Variants in G3BP1 observed in about 807,000 individuals in gnomAD.
G3BP1 encodes the protein G3BP stress granule assembly factor 1, also known as ras GTPase-activating protein-binding protein 1.
G3BP1 carries 35 observed loss-of-function variants against 58.6 expected under a neutral mutation model. The observed-to-expected ratio is 0.60, with a 90% CI of 0.46 to 0.79. The LOEUF (loss-of-function observed/expected upper bound fraction) is 0.79, where lower values mean the gene tolerates loss of function less well. G3BP1 is among the 30% of genes least tolerant of loss of function. The probability of loss-of-function intolerance (pLI) is 0.00; values close to 1 mark genes in which losing one functional copy is unlikely to be tolerated. For synonymous variants in G3BP1, 191 were observed against 195.4 expected (o/e 0.98, Z 0.19); for missense variants, 523 against 580.8 (o/e 0.90, Z 1.02).
Position 151,804,172 on chromosome 5 carries a change from A to G in G3BP1, c.*81A>G. Reference sequence around the variant, plus strand: ...TTTTCGACAGCCTTTGGTATCTTGGAGTATGACCCCAGTCTGTTATAAACT... The same window carrying G: ...TTTTCGACAGCCTTTGGTATCTTGGGGTATGACCCCAGTCTGTTATAAACT... On this transcript the variant is annotated 3_prime_UTR_variant, in exon 12 of 12. Transcript: ENST00000356245. 1.0e-6 allele frequency: 1 copy of G among 1,000,554 alleles called. No individual in the cohort carries two copies. Among genetic ancestry groups the G allele is most frequent in the Non-Finnish European group, 1.5e-6 (1 of 662,282 alleles). The allele number at this position is 1,000,554 out of a possible 1,614,324, so 62.0% of individuals were successfully genotyped here. A position where few individuals can be genotyped will look rare whatever the true frequency, so the allele number is the denominator to read the frequency against.
At chr5:151,796,417 C>T (rs10477001) in intron 6 of G3BP1, among the ~76,000 whole-genome samples, 271 of 152,232 alleles carry the variant, frequency 1.8e-3, no homozygotes, top group African/African-American at 6.3e-3. Flanking sequence ...TACAGGCGCA[C>T]GCCACCATGC....
chr5:151,791,197 T>C, intron 4 of G3BP1, 135 bp downstream of exon 4: 2 of 718,534 alleles, frequency 2.8e-6, no homozygotes, highest in South Asian at 1.6e-5. Context: ...CTAACTCCTA[T>C]ATACTCCTTA....
At chr5:151,793,875 A>ATGGGGGC (rs1762702726) in intron 4 of G3BP1, among the ~76,000 whole-genome samples, 1 of 151,078 alleles carries the variant, frequency 6.6e-6, no homozygotes, top group Non-Finnish European at 1.5e-5. Context: ...TTAGCCTTGC[A>ATGGGGGC]TGGTGGCGCG....
At chr5:151,779,939 G>A (rs1278541123) in intron 1 of G3BP1, among the ~76,000 whole-genome samples, 3 of 152,110 alleles carry the variant, frequency 2.0e-5, no homozygotes, top group African/African-American at 7.2e-5. Context: ...GTTTTGTCTT[G>A]GGTGAGTTTC....
chr5:151,772,262 G>C (rs1319367318), intron 1 of G3BP1: 6 of 150,842 alleles, frequency 4.0e-5, no homozygotes, highest in Non-Finnish European at 8.9e-5. Flanking sequence ...TGTCCGCCGC[G>C]TGCGCGTGCT....
In G3BP1 at chr5:151,794,162, T is replaced by A; in HGVS notation, c.355T>A (p.Ser119Thr). ...AAACTTTCTGTTGGCATTGCAGGGG[T>A]CTGTTGCAAATAAATTCTATGTTCA... ...MQTFVLAPEG[S>T]VANKFYVHND... Residue 119 changes from serine to threonine, a missense_variant, in exon 5 of 12, where the codon TCT (serine) becomes ACT (threonine). By Grantham distance (58) the Ser-to-Thr change is moderately conservative (BLOSUM62 1). This residue lies in a region of G3BP1 where 398 missense variants were observed against 399.1 expected (regional missense o/e 1.00). Coordinates refer to ENST00000356245, the MANE Select transcript of G3BP1 (RefSeq NM_005754.3). 6.3e-7 allele frequency: 1 copy of A among 1,591,508 alleles called. No homozygotes were observed. Among genetic ancestry groups the A allele is most frequent in the Non-Finnish European group, 8.6e-7 (1 of 1,160,052 alleles).
rs1032123576 is a variant in G3BP1 at position 151,808,680 on chromosome 5, G to C, written c.*4589G>C. Reference sequence around the variant, plus strand: ...TGTGGCCAGTGTCCCAGATTTGTAAGGTACAGTGTGCATACAGTGTGTCTT... The same window carrying C: ...TGTGGCCAGTGTCCCAGATTTGTAACGTACAGTGTGCATACAGTGTGTCTT... On this transcript the variant is annotated 3_prime_UTR_variant, in exon 12 of 12. Coordinates refer to ENST00000356245, the MANE Select transcript of G3BP1 (RefSeq NM_005754.3). 2 of 152,140 alleles carry C rather than the reference G, an allele frequency of 1.3e-5. No homozygotes were observed. The highest frequency in any genetic ancestry group is 2.9e-5 in the Non-Finnish European group (2 of 68,014). 9.4% of individuals were successfully genotyped at this position (152,140 alleles called of 1,614,324 possible).
intron 11 of G3BP1, among the ~76,000 whole-genome samples, chr5:151,803,433 T>C (rs542085610): frequency 2.8e-4 from 43 of 152,182 alleles, no homozygotes; most frequent in Admixed American, 2.8e-3. Flanking sequence ...TGAAACTCTG[T>C]CTCATTAAAA....
chr5:151,803,878 C>T lies in G3BP1; in HGVS notation c.1195-7C>T, dbSNP rs118002405. 267 of 1,602,422 alleles carry T rather than the reference C, an allele frequency of 1.7e-4. No individual in the cohort carries two copies. The East Asian group carries it at 5.6e-3, about 34-fold the overall frequency. On this transcript the variant is annotated splice_polypyrimidine_tract_variant and splice_region_variant and intron_variant, in intron 11 of 11. Transcript: ENST00000356245. Reference sequence around the variant, plus strand: ...ACTCTTAAGTCTGGTCACCTTGATTCTTACAGCCCATCATGTTCAGAGGTG... The same window carrying T: ...ACTCTTAAGTCTGGTCACCTTGATTTTTACAGCCCATCATGTTCAGAGGTG...
rs1346986709 is a variant in G3BP1 at position 151,810,036 on chromosome 5, G to A, written c.*5945G>A. On this transcript the variant is annotated 3_prime_UTR_variant, in exon 12 of 12. Coordinates refer to ENST00000356245, the MANE Select transcript of G3BP1 (RefSeq NM_005754.3). ...CATTTTGCATTCTGTACATTGTGGT[G>A]CTTTTTCCACCTTGTATTGTTGTAA... 2.0e-5 allele frequency: 3 copies of A among 152,196 alleles called. No individual in the cohort carries two copies. Among genetic ancestry groups the A allele is most frequent in the East Asian group, 3.8e-4 (2 of 5,196 alleles). The allele number at this position is 152,196 out of a possible 1,614,324, so 9.4% of individuals were successfully genotyped here. A position where few individuals can be genotyped will look rare whatever the true frequency, so the allele number is the denominator to read the frequency against.
chr5:151,794,431 T>C (rs532952378), intron 5 of G3BP1, among the ~76,000 whole-genome samples, 182 bp downstream of exon 5: 3 of 152,328 alleles, frequency 2.0e-5, no homozygotes, highest in South Asian at 4.1e-4. Context: ...GGTTAGCTTA[T>C]ATCATGGATG....
chr5:151,779,753 AGTT>A (rs1463972602), intron 1 of G3BP1, among the ~76,000 whole-genome samples: 2 of 152,208 alleles, frequency 1.3e-5, no homozygotes, highest in Non-Finnish European at 2.9e-5. Context: ...TATTAATAGT[AGTT>A]GTTTTCAATC....
chr5:151,811,231 A>G lies in G3BP1; in HGVS notation c.*7140A>G, dbSNP rs988027015. 3.3e-5 allele frequency: 5 copies of G among 152,176 alleles called. No individual in the cohort carries two copies. The East Asian group carries it at 9.6e-4, about 29-fold the overall frequency. The allele number at this position is 152,176 out of a possible 1,614,324, so 9.4% of individuals were successfully genotyped here. A position where few individuals can be genotyped will look rare whatever the true frequency, so the allele number is the denominator to read the frequency against. On this transcript the variant is annotated 3_prime_UTR_variant, in exon 12 of 12. Transcript: ENST00000356245. ...ATCTTACTGAAACATAGTTCTGACC[A>G]TGTATTCCATGTATGTGTTCTCTCT... is the stretch of plus-strand genomic sequence containing the variant.
intron 1 of G3BP1, among the ~76,000 whole-genome samples, chr5:151,785,700 G>A (rs1253547177): frequency 6.6e-6 from 1 of 152,200 alleles, no homozygotes; most frequent in Non-Finnish European, 1.5e-5. Flanking sequence ...TTTTGATACA[G>A]TAGGAATTAT....
At chr5:151,787,896 CGT>C (rs150650549) in intron 2 of G3BP1, 1,140 of 188,796 alleles carry the variant, frequency 6.0e-3, no homozygotes, top group South Asian at 0.016. Context: ...GAATATATCT[CGT>C]GTGTGTGTGT....
chr5:151,788,983 C>T (rs76436023), intron 2 of G3BP1, among the ~76,000 whole-genome samples: 24,606 of 152,044 alleles, frequency 0.16, 2,096 homozygotes, highest in African/African-American at 0.2. Context: ...CTGTGTTGGT[C>T]AGGCTGGTCT....
At chr5:151,790,803 G>GTGTTGGA in intron 3 of G3BP1, 86 bp from the exon 4 acceptor site, 1 of 742,370 alleles carries the variant, frequency 1.3e-6, no homozygotes. Flanking sequence ...TCTTTGTGTT[G>GTGTTGGA]TGTTGGAAGG....
intron 6 of G3BP1, among the ~76,000 whole-genome samples, chr5:151,796,555 C>G (rs919005413): frequency 2.6e-5 from 4 of 152,034 alleles, no homozygotes; most frequent in Non-Finnish European, 5.9e-5. Context: ...GGTGTGTGCC[C>G]AGCCCCCTCT....
chr5:151,797,316 T>C lies in G3BP1; in HGVS notation c.629T>C (p.Ile210Thr), dbSNP rs886316108. The C allele has an allele frequency of 4.3e-6, 7 of 1,613,980 alleles. No individual in the cohort carries two copies. Among genetic ancestry groups the C allele is most frequent in the East Asian group, 4.5e-5 (2 of 44,874 alleles). Reference protein sequence around the residue: ...PEPEQEPVSEIQEEKPEPVLE... With the variant: ...PEPEQEPVSETQEEKPEPVLE... Reference sequence around the variant, plus strand: ...CCAGAACAAGAACCTGTATCTGAAATCCAAGAGGAAAAGCCTGAGCCAGTA... The same window carrying C: ...CCAGAACAAGAACCTGTATCTGAAACCCAAGAGGAAAAGCCTGAGCCAGTA... The change falls in exon 7 of 12, where the codon ATC becomes ACC. Residue 210 changes from isoleucine (I) to threonine (T), a missense_variant. Ile to Thr is a moderately conservative substitution (Grantham distance 89). Around this residue, in one of 2 missense-constraint regions of G3BP1, gnomAD observed 398 missense variants for 399.1 expected, o/e 1.00. Transcript: ENST00000356245.
Sources: gnomAD v4.1 joint callset for allele counts (sites outside exome capture counted in the v4.1 genomes callset) on GRCh38, gnomAD v4.1.1 for gene constraint, gnomAD v4.1.1 regional missense constraint, MANE v1.5 for transcripts, NCBI Gene and HGNC (gene_info 2026-07-23, HGNC 2026-07-21) for gene names.